GLI3: variants seen among roughly 807,000 people sequenced by gnomAD.
GLI3 encodes GLI family zinc finger 3, also known as transcription activator GLI3.
Under a neutral mutation model 100.8 loss-of-function variants are expected in GLI3, and 20 were observed. The ratio of observed to expected loss-of-function variants is 0.20; its 90% CI spans 0.14 to 0.29. GLI3 has a LOEUF of 0.29. Among genes scored for constraint, GLI3 ranks in the 10% least tolerant of loss-of-function variants. GLI3 has a pLI of 1.00. For synonymous variants in GLI3, 938 were observed against 860.5 expected (o/e 1.09, Z -1.58); for missense variants, 2,040 against 2,128.5 (o/e 0.96, Z 0.82).
intron 3 of GLI3, among the ~76,000 whole-genome samples, chr7:42,112,913 C>T (rs1468462400): frequency 6.6e-6 from 1 of 152,164 alleles, no homozygotes; most frequent in East Asian, 1.9e-4. Flanking sequence ...TGGCTCACAT[C>T]TGTAATCCCA....
chr7:42,091,333 A>C (rs1463150234), intron 3 of GLI3, among the ~76,000 whole-genome samples: 5 of 152,234 alleles, frequency 3.3e-5, no homozygotes, highest in South Asian at 2.1e-4. Flanking sequence ...GCCCAGGTAC[A>C]GGTCCCCTAC....
intron 3 of GLI3, among the ~76,000 whole-genome samples, chr7:42,102,932 G>A (rs567503892): frequency 2.0e-5 from 3 of 152,268 alleles, no homozygotes; most frequent in Non-Finnish European, 4.4e-5. Flanking sequence ...AGCTTAAGAC[G>A]CTTTGAACTC....
intron 2 of GLI3, among the ~76,000 whole-genome samples, chr7:42,163,485 A>G (rs1042349521): frequency 6.6e-6 from 1 of 151,212 alleles, no homozygotes; most frequent in Non-Finnish European, 1.5e-5. Flanking sequence ...CTGGAGTGCA[A>G]TGGTGCTATC....
At chr7:41,999,533 C>G (rs929932139) in intron 10 of GLI3, among the ~76,000 whole-genome samples, 1 of 152,120 alleles carries the variant, frequency 6.6e-6, no homozygotes, top group African/African-American at 2.4e-5. Context: ...CCCTCATCCA[C>G]TCCTCTTTTA....
intron 2 of GLI3, among the ~76,000 whole-genome samples, chr7:42,153,582 TA>T (rs1351569434): frequency 1.5e-5 from 1 of 66,196 alleles, no homozygotes; most frequent in African/African-American, 6.3e-5. Flanking sequence ...AACAAAATGT[TA>T]AGGGGGGGTG....
intron 4 of GLI3, among the ~76,000 whole-genome samples, chr7:42,067,704 A>C (rs1784703119): frequency 6.6e-6 from 1 of 152,156 alleles, no homozygotes; most frequent in South Asian, 2.1e-4. Flanking sequence ...CATGGTATGC[A>C]CAGGGCTCCT....
rs182393910 is a variant in GLI3 at position 42,191,332 on chromosome 7, G to A, written c.124+31798C>T. On this transcript the variant is annotated intron_variant, in intron 2 of 14. Coordinates refer to ENST00000395925, the MANE Select transcript of GLI3 (RefSeq NM_000168.6). ...TCAATAAAAATAGATAATAATAGCC[G>A]GCCGTGGTGGCTCTCGCCTATAATC... Among the ~76,000 whole-genome samples the A allele has an allele frequency of 2.0e-4, 30 of 152,068 alleles. 1 individual carries two copies. Among genetic ancestry groups the A allele is most frequent in the Admixed American group, 5.9e-4 (9 of 15,276 alleles).
At chr7:42,118,184 G>A (rs949111637) in intron 3 of GLI3, 4 of 395,274 alleles carry the variant, frequency 1.0e-5, no homozygotes, top group African/African-American at 8.2e-5. Flanking sequence ...TACACTCAAG[G>A]GCTTTTTCAC....
intron 2 of GLI3, chr7:42,152,366 G>A: frequency 1.0e-6 from 1 of 983,222 alleles, no homozygotes; most frequent in Non-Finnish European, 1.2e-6. Context: ...ACAGTCCCCA[G>A]GCTCTGGCTA....
chr7:41,968,194 C>T lies in GLI3; in HGVS notation c.2104-271G>A, dbSNP rs74394072. 2.9e-3 allele frequency among the ~76,000 whole-genome samples: 440 copies of T among 152,272 alleles called. 1 individual carries two copies. The highest frequency in any genetic ancestry group is 0.017 in the Middle Eastern group (5 of 294). ...ATCAGCCATGGAATCCTGCCCCAAT[C>T]GCCAACTCTGCAGACATACTTCCTC... is the stretch of plus-strand genomic sequence containing the variant. On this transcript the variant is annotated intron_variant, in intron 13 of 14. Coordinates refer to ENST00000395925, the MANE Select transcript of GLI3 (RefSeq NM_000168.6).
chr7:42,190,334 A>G (rs1357417195), intron 2 of GLI3, among the ~76,000 whole-genome samples: 1 of 152,188 alleles, frequency 6.6e-6, no homozygotes, highest in Non-Finnish European at 1.5e-5. Context: ...AAATCCACCC[A>G]AGATTAGAAA....
intron 2 of GLI3, among the ~76,000 whole-genome samples, chr7:42,199,889 C>G (rs1788003361): frequency 6.6e-6 from 1 of 152,126 alleles, no homozygotes; most frequent in African/African-American, 2.4e-5. Context: ...AACCCCGTCT[C>G]TACTAAAAAT....
chr7:41,993,461 C>T (rs958377834), intron 10 of GLI3, among the ~76,000 whole-genome samples: 12 of 152,166 alleles, frequency 7.9e-5, no homozygotes, highest in Admixed American at 6.5e-4. Flanking sequence ...CTCTCCAAGC[C>T]CTACCCTGCT....
At chr7:42,034,358 C>T (rs1789376727) in intron 7 of GLI3, among the ~76,000 whole-genome samples, 2 of 152,144 alleles carry the variant, frequency 1.3e-5, no homozygotes, top group African/African-American at 4.8e-5. Flanking sequence ...AGTCTGCTAA[C>T]CTCTCTTAAC....
At chr7:42,071,334 TGGA>T (rs1784780889) in intron 4 of GLI3, among the ~76,000 whole-genome samples, 1 of 152,026 alleles carries the variant, frequency 6.6e-6, no homozygotes, top group Non-Finnish European at 1.5e-5. Flanking sequence ...AAACACTGGG[TGGA>T]GGAGGCGGGG....
At chr7:42,069,502 A>G (rs1037309202) in intron 4 of GLI3, among the ~76,000 whole-genome samples, 3 of 152,236 alleles carry the variant, frequency 2.0e-5, no homozygotes, top group Admixed American at 6.5e-5. Context: ...TTTTTCAGTT[A>G]ATCACGAGAA....
intron 3 of GLI3, among the ~76,000 whole-genome samples, chr7:42,131,494 A>C (rs1450122446): frequency 6.6e-6 from 1 of 152,226 alleles, no homozygotes; most frequent in Non-Finnish European, 1.5e-5. Context: ...CTAACACAGA[A>C]GGTTAGGTAT....
At chr7:42,004,116 T>G (rs991016991) in intron 10 of GLI3, among the ~76,000 whole-genome samples, 1 of 152,174 alleles carries the variant, frequency 6.6e-6, no homozygotes, top group African/African-American at 2.4e-5. Flanking sequence ...AGAAGGGCAC[T>G]TCATTCACAT....
At chr7:41,997,897 T>G (rs1287999924) in intron 10 of GLI3, among the ~76,000 whole-genome samples, 1 of 152,226 alleles carries the variant, frequency 6.6e-6, no homozygotes, top group Non-Finnish European at 1.5e-5. Context: ...CCAGATGCAC[T>G]GAAAAGATTT....
Sources: allele counts gnomAD v4.1 joint callset (sites outside exome capture counted in the v4.1 genomes callset), GRCh38; gene constraint gnomAD v4.1.1; transcripts MANE v1.5; gene names NCBI Gene and HGNC (gene_info 2026-07-23, HGNC 2026-07-21).